Variants in SLC4A10 observed in about 807,000 individuals in gnomAD.
SLC4A10 encodes the protein solute carrier family 4 member 10.
Under a neutral mutation model 137.7 loss-of-function variants are expected in SLC4A10, and 42 were observed. The ratio of observed to expected loss-of-function variants is 0.30; its 90% CI spans 0.24 to 0.39. The LOEUF (loss-of-function observed/expected upper bound fraction) is 0.39. SLC4A10 is among the 10% of genes least tolerant of loss of function. The pLI is 1.00. For synonymous variants in SLC4A10, 474 were observed against 464.1 expected (o/e 1.02, Z -0.27); for missense variants, 925 against 1,355.0 (o/e 0.68, Z 4.98).
At chr2:161,718,676 C>T (rs903167306) in intron 1 of SLC4A10, among the ~76,000 whole-genome samples, 1 of 152,036 alleles carries the variant, frequency 6.6e-6, no homozygotes, top group Admixed American at 6.6e-5. Context: ...GTTGTGATTT[C>T]AGTTCTTTTG....
chr2:161,934,004 T>TA (rs943983457), intron 15 of SLC4A10, among the ~76,000 whole-genome samples: 26 of 151,752 alleles, frequency 1.7e-4, no homozygotes, highest in African/African-American at 5.8e-4. Context: ...CTTTCATCTT[T>TA]AAAAAAAAAT....
chr2:161,721,835 T>C (rs922798899), intron 1 of SLC4A10, among the ~76,000 whole-genome samples: 1 of 152,208 alleles, frequency 6.6e-6, no homozygotes, highest in Non-Finnish European at 1.5e-5. Flanking sequence ...TCCGTCATAG[T>C]TTGGTCTTTT....
intron 1 of SLC4A10, among the ~76,000 whole-genome samples, chr2:161,718,005 G>A (rs920245455): frequency 8.6e-5 from 13 of 151,696 alleles, no homozygotes; most frequent in African/African-American, 3.1e-4. Context: ...TATTCTTCAG[G>A]GAATCAACTT....
chr2:161,957,765 G>T (rs1695925096), intron 20 of SLC4A10, among the ~76,000 whole-genome samples: 1 of 151,948 alleles, frequency 6.6e-6, no homozygotes, highest in Admixed American at 6.6e-5. Context: ...CACAAAACTT[G>T]AAATCTATTT....
chr2:161,854,348 T>C (rs2059986019), intron 4 of SLC4A10, among the ~76,000 whole-genome samples: 1 of 152,170 alleles, frequency 6.6e-6, no homozygotes, highest in Admixed American at 6.6e-5. Flanking sequence ...TTTGACATCA[T>C]GACATCAAGG....
chr2:161,915,066 CA>C (rs1017074366), intron 15 of SLC4A10, among the ~76,000 whole-genome samples: 1 of 152,062 alleles, frequency 6.6e-6, no homozygotes, highest in Non-Finnish European at 1.5e-5. Flanking sequence ...AAGGCCCACC[CA>C]ACACCTTATC....
chr2:161,927,565 A>G (rs1363541100), intron 15 of SLC4A10, among the ~76,000 whole-genome samples: 2 of 152,222 alleles, frequency 1.3e-5, no homozygotes, highest in African/African-American at 4.8e-5. Flanking sequence ...AAAAGAAACT[A>G]CCATCAGAGT....
intron 1 of SLC4A10, among the ~76,000 whole-genome samples, chr2:161,629,951 T>C (rs776957094): frequency 6.6e-6 from 1 of 151,908 alleles, no homozygotes; most frequent in Non-Finnish European, 1.5e-5. Flanking sequence ...CTGAAAAATA[T>C]CTGGGTTTCC....
intron 1 of SLC4A10, among the ~76,000 whole-genome samples, chr2:161,633,225 T>C (rs189251718): frequency 1.8e-3 from 270 of 151,814 alleles, no homozygotes; most frequent in Non-Finnish European, 2.8e-3. Flanking sequence ...CCATTGTAGG[T>C]TGAGAAGCAT....
chr2:161,638,537 G>A (rs72873645), intron 1 of SLC4A10, among the ~76,000 whole-genome samples: 12,608 of 152,020 alleles, frequency 0.083, 588 homozygotes, highest in East Asian at 0.14. Context: ...GTTTTGCAGT[G>A]TATTTTGAAG....
chr2:161,824,917 T>C (rs1245149678), intron 3 of SLC4A10, among the ~76,000 whole-genome samples: 1 of 152,194 alleles, frequency 6.6e-6, no homozygotes, highest in Non-Finnish European at 1.5e-5. Flanking sequence ...ACTCCTGAGA[T>C]AGCAAGACCA....
At chr2:161,931,171 C>T (rs1415747839) in intron 15 of SLC4A10, 1 of 152,186 alleles carries the variant, frequency 6.6e-6, no homozygotes, top group Non-Finnish European at 1.5e-5. Context: ...TTATCGAAGT[C>T]CCTGTGTTCT....
chr2:161,761,792 G>T (rs1441010951), intron 1 of SLC4A10, among the ~76,000 whole-genome samples: 1 of 151,984 alleles, frequency 6.6e-6, no homozygotes, highest in African/African-American at 2.4e-5. Flanking sequence ...TCCAGCATTG[G>T]AGGACTTTCA....
At chr2:161,643,417 C>T (rs1433515093) in intron 1 of SLC4A10, among the ~76,000 whole-genome samples, 1 of 152,110 alleles carries the variant, frequency 6.6e-6, no homozygotes, top group Non-Finnish European at 1.5e-5. Flanking sequence ...TTGAATTACA[C>T]ATGCCAATAA....
chr2:161,764,572 T>C (rs2050595655), intron 1 of SLC4A10, among the ~76,000 whole-genome samples: 1 of 152,198 alleles, frequency 6.6e-6, no homozygotes, highest in Non-Finnish European at 1.5e-5. Flanking sequence ...TTTTATTTTG[T>C]AAAACTGGGA....
intron 1 of SLC4A10, among the ~76,000 whole-genome samples, chr2:161,663,946 A>G (rs1013112175): frequency 6.6e-6 from 1 of 151,994 alleles, no homozygotes; most frequent in Non-Finnish European, 1.5e-5. Context: ...TATTTGTAAC[A>G]TTTGTTTTCC....
chr2:161,703,173 G>T (rs1247957031), intron 1 of SLC4A10, among the ~76,000 whole-genome samples: 2 of 151,496 alleles, frequency 1.3e-5, no homozygotes. Context: ...TTTACTTATT[G>T]GGGTTTATTC....
chr2:161,967,965 T>G (rs1697898981), intron 23 of SLC4A10, among the ~76,000 whole-genome samples: 1 of 151,494 alleles, frequency 6.6e-6, no homozygotes, highest in Non-Finnish European at 1.5e-5. Context: ...CTGTCTTTAC[T>G]GCTTCTGGAA....
At position 161,839,742 on chromosome 2, in the gene SLC4A10, G is replaced by A. The variant is rs72879270; in HGVS notation, c.278-47G>A. 7.9e-3 allele frequency: 12,609 copies of A among 1,605,154 alleles called. 79 individuals carry two copies. Among genetic ancestry groups the A allele is most frequent in the Middle Eastern group, 0.027 (162 of 6,028 alleles). On this transcript the variant is annotated intron_variant, in intron 3 of 26. Transcript: ENST00000446997. ...GTGACTGGGACATTTTAAGCTCAGG[G>A]TCGTGGTAATACATGTTCATGGTAA... is the stretch of plus-strand genomic sequence containing the variant.
Sources: gnomAD v4.1 joint callset for allele counts (sites outside exome capture counted in the v4.1 genomes callset) on GRCh38, gnomAD v4.1.1 for gene constraint, MANE v1.5 for transcripts, NCBI Gene and HGNC (gene_info 2026-07-23, HGNC 2026-07-21) for gene names.